The following ZNF316 variants were observed in gnomAD, a reference collection of about 807,000 sequenced individuals.
ZNF316 encodes the protein zinc finger protein 316.
A neutral mutation model predicts 75.6 loss-of-function variants in ZNF316; 23 were observed. The ratio of observed to expected loss-of-function variants is 0.30; its 90% CI spans 0.22 to 0.43. The LOEUF is 0.43. ZNF316 is among the 20% of genes least tolerant of loss of function. The pLI is 1.00. For synonymous variants in ZNF316, 827 were observed against 666.2 expected, an observed-to-expected ratio of 1.24 and a Z score of -3.72; for missense variants, 1,266 against 1,409.4, an observed-to-expected ratio of 0.90 and a Z score of 1.63.
intron 8 of ZNF316, among the ~76,000 whole-genome samples, chr7:6,646,713 C>T (rs1045950278): frequency 2.0e-5 from 3 of 152,172 alleles, no homozygotes; most frequent in African/African-American, 7.2e-5. Context: ...CCGCCTCCCC[C>T]AGTGCTCCCT....
rs1779534350 is a variant in ZNF316 at position 6,652,796 on chromosome 7, C to T, written c.1200C>T (p.Pro400=). 1.6e-6 allele frequency: 2 copies of T among 1,272,394 alleles called. No individual in the cohort carries two copies. The highest frequency in any genetic ancestry group is 2.0e-6 in the Non-Finnish European group (2 of 1,008,690). The allele number at this position is 1,272,394 out of a possible 1,614,324, so 78.8% of individuals were successfully genotyped here. The change falls in exon 9 of 9, where the codon CCC becomes CCT. Residue 400 remains proline, a synonymous_variant. Transcript: ENST00000382252. ...IHQRTHTGEK[P]FPCPDCGKRF... ...AGCGCACGCACACCGGCGAGAAGCC[C>T]TTCCCGTGCCCGGACTGCGGCAAGC...
chr7:6,638,705 CG>C (rs1562577328), intron 2 of ZNF316, among the ~76,000 whole-genome samples: 1 of 152,048 alleles, frequency 6.6e-6, no homozygotes, highest in Non-Finnish European at 1.5e-5. Flanking sequence ...GAGGTCGAGG[CG>C]GGTGGATCAC....
chr7:6,647,260 T>TA (rs1779422789), intron 8 of ZNF316, among the ~76,000 whole-genome samples: 1 of 152,026 alleles, frequency 6.6e-6, no homozygotes, highest in Non-Finnish European at 1.5e-5. Context: ...GGCCCCTCCT[T>TA]ACAGACCTGG....
Position 6,652,764 on chromosome 7 carries a change from A to G in ZNF316, c.1168A>G (p.Ile390Val). 2.4e-6 allele frequency: 3 copies of G among 1,269,124 alleles called. No individual in the cohort carries two copies. The highest frequency in any genetic ancestry group is 9.9e-7 in the Non-Finnish European group (1 of 1,006,902). 78.6% of individuals were successfully genotyped at this position (1,269,124 alleles called of 1,614,324 possible). Residue 390 changes from isoleucine (I) to valine (V), a missense_variant, in exon 9 of 9, where the codon ATC (isoleucine) becomes GTC (valine). This residue lies in a region of ZNF316 where 961 missense variants were observed against 990.9 expected (regional missense o/e 0.97). Transcript: ENST00000382252. Reference protein sequence around the residue: ...KGFVYRSHLAIHQRTHTGEKP... With the variant: ...KGFVYRSHLAVHQRTHTGEKP... ...CTTCGTGTACCGCTCGCACTTGGCC[A>G]TCCACCAGCGCACGCACACCGGCGA...
chr7:6,648,345 T>C lies in ZNF316; in HGVS notation c.706+3752T>C, dbSNP rs144083477. Among the ~76,000 whole-genome samples, 686 of 152,048 alleles carry C rather than the reference T, an allele frequency of 4.5e-3. 4 individuals carry two copies. The highest frequency in any genetic ancestry group is 0.016 in the African/African-American group (644 of 41,466). ...TCAAGAGGAAAGGCCTTGGTGGGGA[T>C]CTGTGGCCACCAGGACCTGATGGCA... is the stretch of plus-strand genomic sequence containing the variant. On this transcript the variant is annotated intron_variant, in intron 8 of 8. Transcript: ENST00000382252.
In ZNF316 at chr7:6,642,514, G is replaced by A. The variant is rs1489919057; in HGVS notation, c.105G>A (p.Glu35=). Residue 35 remains glutamate, a synonymous_variant, in exon 5 of 9, where the codon GAG becomes GAA. Transcript: ENST00000382252. This position sits in a 1 kb window ranked among gnomAD's most constrained non-coding sequence, Gnocchi z 8.1. Reference sequence around the variant, plus strand: ...ACCAGGAAGAAGAGGAGGAGGAGGAGGAAAAGGGGGAAGAGGTGCAGGAGG... The same window carrying A: ...ACCAGGAAGAAGAGGAGGAGGAGGAAGAAAAGGGGGAAGAGGTGCAGGAGG... ...DPDQEEEEEE[E]EKGEEVQEVE... 3 of 1,231,308 alleles carry A rather than the reference G, an allele frequency of 2.4e-6. No individual in the cohort carries two copies. The East Asian group carries it at 9.4e-5, about 39-fold the overall frequency. The allele number at this position is 1,231,308 out of a possible 1,614,324, so 76.3% of individuals were successfully genotyped here.
rs145894291 is a variant in ZNF316 at position 6,639,377 on chromosome 7, A to G, written c.-167+236A>G. On this transcript the variant is annotated intron_variant, in intron 3 of 8. Transcript: ENST00000382252. This position sits in a 1 kb window ranked among gnomAD's most constrained non-coding sequence, Gnocchi z 4.2. Reference sequence around the variant, plus strand: ...TGCCGCCCAGGAGCTGGCTGTACTCAGGGAGAGAGATGATAAGACAGTCTC... The same window carrying G: ...TGCCGCCCAGGAGCTGGCTGTACTCGGGGAGAGAGATGATAAGACAGTCTC... Among the ~76,000 whole-genome samples, 538 of 152,284 alleles carry G rather than the reference A, an allele frequency of 3.5e-3. 1 individual carries two copies. Among genetic ancestry groups the G allele is most frequent in the African/African-American group, 0.012 (504 of 41,558 alleles).
At position 6,652,625 on chromosome 7, in the gene ZNF316, G is replaced by A. The variant is rs893813690; in HGVS notation, c.1029G>A (p.Pro343=). Residue 343 remains proline, a synonymous_variant, in exon 9 of 9, where the codon CCG becomes CCA. Transcript: ENST00000382252. The stretch of plus-strand genomic sequence containing the variant: ...CAGTGGCCCCGCCGGCCGGGAGGCC[G>A]GAGACCACGTGCGACGTGTGCGGCA... ...PAAVAPPAGR[P]ETTCDVCGKV... 33 of 1,230,446 alleles carry A rather than the reference G, an allele frequency of 2.7e-5. No homozygotes were observed. The African/African-American group carries it at 3.4e-4, about 13-fold the overall frequency. 76.2% of individuals were successfully genotyped at this position (1,230,446 alleles called of 1,614,324 possible). A position where few individuals can be genotyped will look rare whatever the true frequency, so the allele number is the denominator to read the frequency against.
Position 6,652,712 on chromosome 7 carries a change from C to A in ZNF316, c.1116C>A (p.Pro372=). 8.1e-7 allele frequency: 1 copy of A among 1,240,100 alleles called. No homozygotes were observed. The allele number at this position is 1,240,100 out of a possible 1,614,324, so 76.8% of individuals were successfully genotyped here. A position where few individuals can be genotyped will look rare whatever the true frequency, so the allele number is the denominator to read the frequency against. The change falls in exon 9 of 9, where the codon CCC becomes CCA. Residue 372 remains proline, a synonymous_variant. Transcript: ENST00000382252. The part of the protein sequence containing the change: ...KHQRYHAAVK[P]FGCEECGKGF... ...AGCGCTACCACGCGGCCGTCAAGCC[C>A]TTCGGCTGCGAGGAGTGCGGCAAGG...
rs537074560 is a variant in ZNF316, at chr7:6,639,790, G to A, written c.-167+649G>A. The stretch of plus-strand genomic sequence containing the variant: ...TCAAGTGGGTGGCAGTTGGGAAACC[G>A]TTGCTGCGTGTACCCAGCGCCCTGA... On this transcript the variant is annotated intron_variant, in intron 3 of 8. Coordinates refer to ENST00000382252, the MANE Select transcript of ZNF316 (RefSeq NM_001278559.2). The surrounding 1 kb of genome is among the most constrained non-coding windows in gnomAD (Gnocchi z 4.2). Among the ~76,000 whole-genome samples the A allele has an allele frequency of 6.6e-6, 1 of 152,294 alleles. No individual in the cohort carries two copies. The highest frequency in any genetic ancestry group is 2.4e-5 in the African/African-American group (1 of 41,568).
chr7:6,653,575 G>T lies in ZNF316; in HGVS notation c.1979G>T (p.Gly660Val), dbSNP rs1453210685. 1 of 1,088,450 alleles carries T rather than the reference G, an allele frequency of 9.2e-7. No individual in the cohort carries two copies. Among genetic ancestry groups the T allele is most frequent in the Non-Finnish European group, 1.1e-6 (1 of 895,612 alleles). 67.4% of individuals were successfully genotyped at this position (1,088,450 alleles called of 1,614,324 possible). A position where few individuals can be genotyped will look rare whatever the true frequency, so the allele number is the denominator to read the frequency against. Residue 660 changes from glycine to valine, a missense_variant, in exon 9 of 9, where the codon GGC (glycine) becomes GTC (valine). Physicochemically the swap from Gly to Val is moderately radical, Grantham distance 109. This residue lies in a region of ZNF316 where 961 missense variants were observed against 990.9 expected (regional missense o/e 0.97). Transcript: ENST00000382252. The part of the protein sequence containing the change: ...CDPFGGGGAA[G>V]GGGGLRAFGP... ...CCTTTCGGCGGCGGCGGGGCCGCGG[G>T]CGGCGGAGGCGGCCTGCGCGCGTTC...
At position 6,653,069 on chromosome 7, in the gene ZNF316, C is replaced by A. The variant is rs902571395; in HGVS notation, c.1473C>A (p.Gly491=). The change falls in exon 9 of 9, where the codon GGC becomes GGA. Residue 491 remains glycine (G), a synonymous_variant. Transcript: ENST00000382252. ...GCCCGCACTGCTGTCCCGACTGCGG[C>A]CAGGCCTTCCGCCTGCGCGCCGACT... ...ADRPHCCPDC[G]QAFRLRADFQ... 1.7e-6 allele frequency: 2 copies of A among 1,208,778 alleles called. No homozygotes were observed. The highest frequency in any genetic ancestry group is 2.1e-6 in the Non-Finnish European group (2 of 973,734). The allele number at this position is 1,208,778 out of a possible 1,614,324, so 74.9% of individuals were successfully genotyped here. A position where few individuals can be genotyped will look rare whatever the true frequency, so the allele number is the denominator to read the frequency against.
In ZNF316 at chr7:6,652,722, G is replaced by A. The variant is rs562825244; in HGVS notation, c.1126G>A (p.Glu376Lys). 3 of 1,243,070 alleles carry A rather than the reference G, an allele frequency of 2.4e-6. No homozygotes were observed. The highest frequency in any genetic ancestry group is 6.3e-5 in the East Asian group (2 of 31,756). The allele number at this position is 1,243,070 out of a possible 1,614,324, so 77.0% of individuals were successfully genotyped here. Residue 376 changes from glutamate (E) to lysine (K), a missense_variant, in exon 9 of 9, where the codon GAG (glutamate) becomes AAG (lysine). By Grantham distance (56) the Glu-to-Lys change is moderately conservative. Coordinates refer to ENST00000382252, the MANE Select transcript of ZNF316 (RefSeq NM_001278559.2). ...YHAAVKPFGC[E>K]ECGKGFVYRS... The stretch of plus-strand genomic sequence containing the variant: ...CGCGGCCGTCAAGCCCTTCGGCTGC[G>A]AGGAGTGCGGCAAGGGCTTCGTGTA...
Position 6,642,735 on chromosome 7 carries a change from A to G in ZNF316, c.326A>G (p.Asp109Gly). 2 of 1,233,650 alleles carry G rather than the reference A, an allele frequency of 1.6e-6. No individual in the cohort carries two copies. The highest frequency in any genetic ancestry group is 3.2e-5 in the East Asian group (1 of 31,708). The allele number at this position is 1,233,650 out of a possible 1,614,324, so 76.4% of individuals were successfully genotyped here. A position where few individuals can be genotyped will look rare whatever the true frequency, so the allele number is the denominator to read the frequency against. Reference protein sequence around the residue: ...GTQERLSRGGDAKSPVLQEKG... With the variant: ...GTQERLSRGGGAKSPVLQEKG... ...CAGGAGCGACTTAGCCGTGGTGGTG[A>G]TGCCAAGTCCCCAGTTCTTCAGGAA... The change falls in exon 5 of 9, where the codon GAT becomes GGT. Residue 109 changes from aspartate (D) to glycine (G), a missense_variant. This residue lies in a region of ZNF316 where 961 missense variants were observed against 990.9 expected (regional missense o/e 0.97). Transcript: ENST00000382252. This position sits in a 1 kb window ranked among gnomAD's most constrained non-coding sequence, Gnocchi z 8.1.
At position 6,652,732 on chromosome 7, in the gene ZNF316, G is replaced by A; in HGVS notation, c.1136G>A (p.Gly379Asp). The change falls in exon 9 of 9, where the codon GGC becomes GAC. Residue 379 changes from glycine (G) to aspartate (D), a missense_variant. Physicochemically the swap from Gly to Asp is moderately conservative, Grantham distance 94 (BLOSUM62 -1). Transcript: ENST00000382252. ...AAGCCCTTCGGCTGCGAGGAGTGCG[G>A]CAAGGGCTTCGTGTACCGCTCGCAC... ...AVKPFGCEECGKGFVYRSHLA... is the reference protein window; with the variant it reads ...AVKPFGCEECDKGFVYRSHLA... The A allele has an allele frequency of 8.0e-7, 1 of 1,247,222 alleles. No individual in the cohort carries two copies. The highest frequency in any genetic ancestry group is 1.0e-6 in the Non-Finnish European group (1 of 995,208). 77.3% of individuals were successfully genotyped at this position (1,247,222 alleles called of 1,614,324 possible).
At position 6,652,392 on chromosome 7, in the gene ZNF316, C is replaced by T; in HGVS notation, c.796C>T (p.Pro266Ser). 1 of 1,232,344 alleles carries T rather than the reference C, an allele frequency of 8.1e-7. No homozygotes were observed. The highest frequency in any genetic ancestry group is 1.0e-6 in the Non-Finnish European group (1 of 988,128). 76.3% of individuals were successfully genotyped at this position (1,232,344 alleles called of 1,614,324 possible). A position where few individuals can be genotyped will look rare whatever the true frequency, so the allele number is the denominator to read the frequency against. Residue 266 changes from proline (P) to serine (S), a missense_variant, in exon 9 of 9, where the codon CCC becomes TCC. Physicochemically the swap from Pro to Ser is moderately conservative, Grantham distance 74. This residue lies in a region of ZNF316 where 961 missense variants were observed against 990.9 expected (regional missense o/e 0.97). Coordinates refer to ENST00000382252, the MANE Select transcript of ZNF316 (RefSeq NM_001278559.2). ...GGAGGTGGCCGAGGAGGAGAACGAG[C>T]CCCCAGGGCTCTGGTCGGCGGCCTA... ...LAEVAEEENE[P>S]PGLWSAAYGV...
intron 8 of ZNF316, among the ~76,000 whole-genome samples, chr7:6,646,179 C>T (rs1779399800): frequency 6.6e-6 from 1 of 152,084 alleles, no homozygotes; most frequent in South Asian, 2.1e-4. Flanking sequence ...ATCATTGAGG[C>T]CTGCCAGTCC....
chr7:6,639,021 C>T lies in ZNF316; in HGVS notation c.-266-21C>T, dbSNP rs1311599764. On this transcript the variant is annotated intron_variant, in intron 2 of 8. Transcript: ENST00000382252. The surrounding 1 kb of genome is among the most constrained non-coding windows in gnomAD (Gnocchi z 4.2). ...ATCTTGGGTTGGGGACGATGTCTGGCTGTGCTTCTGACCTCTGTAGGAGCT... is the reference window on the plus strand; with the variant it reads ...ATCTTGGGTTGGGGACGATGTCTGGTTGTGCTTCTGACCTCTGTAGGAGCT... 6.6e-6 allele frequency: 1 copy of T among 152,286 alleles called. No homozygotes were observed. Among genetic ancestry groups the T allele is most frequent in the Non-Finnish European group, 1.5e-5 (1 of 68,104 alleles). 9.4% of individuals were successfully genotyped at this position (152,286 alleles called of 1,614,324 possible). A position where few individuals can be genotyped will look rare whatever the true frequency, so the allele number is the denominator to read the frequency against.
rs921895406 is a variant in ZNF316 at position 6,652,854 on chromosome 7, C to G, written c.1258C>G (p.Arg420Gly). The change falls in exon 9 of 9, where the codon CGA becomes GGA. Residue 420 changes from arginine (R) to glycine (G), a missense_variant. Transcript: ENST00000382252. ...CTACAAGTCGCACCTGGTTACGCAC[C>G]GACGCATCCATACTGGCGAGCGGCC... ...FVYKSHLVTHRRIHTGERPYR... is the reference protein window; with the variant it reads ...FVYKSHLVTHGRIHTGERPYR... 16 of 1,247,838 alleles carry G rather than the reference C, an allele frequency of 1.3e-5. No homozygotes were observed. The highest frequency in any genetic ancestry group is 1.6e-5 in the Non-Finnish European group (16 of 995,552). The allele number at this position is 1,247,838 out of a possible 1,614,324, so 77.3% of individuals were successfully genotyped here.
Sources: gnomAD v4.1 joint callset for allele counts (sites outside exome capture counted in the v4.1 genomes callset) on GRCh38, gnomAD v4.1.1 for gene constraint, gnomAD v4.1.1 regional missense constraint, Gnocchi (gnomAD v3.1) non-coding constraint, MANE v1.5 for transcripts, NCBI Gene and HGNC (gene_info 2026-07-23, HGNC 2026-07-21) for gene names.